ADGRA3: variants seen among roughly 807,000 people sequenced by gnomAD.
ADGRA3 encodes the protein G-protein coupled receptor 125.
ADGRA3 carries 56 observed loss-of-function variants against 119.8 expected under a neutral mutation model. The ratio of observed to expected loss-of-function variants is 0.47; its 90% CI spans 0.38 to 0.58. The LOEUF is 0.58. Ranked by LOEUF, ADGRA3 falls within the 20% of genes least tolerant of loss-of-function variation. The pLI, the probability that ADGRA3 is intolerant of heterozygous loss-of-function variation, is 0.00. For synonymous variants in ADGRA3, 607 were observed against 623.8 expected, an observed-to-expected ratio of 0.97 and a Z score of 0.40; for missense variants, 1,516 against 1,649.0, an observed-to-expected ratio of 0.92 and a Z score of 1.40.
At chr4:22,473,514 GCATTCA>G (rs1234186024) in intron 2 of ADGRA3, among the ~76,000 whole-genome samples, 2 of 152,202 alleles carry the variant, frequency 1.3e-5, no homozygotes, top group Non-Finnish European at 2.9e-5. Flanking sequence ...ATCTAAGGCT[GCATTCA>G]CACTTCAACG....
intron 1 of ADGRA3, among the ~76,000 whole-genome samples, chr4:22,487,963 T>C (rs1718491921): frequency 6.6e-6 from 1 of 151,630 alleles, no homozygotes. Flanking sequence ...GGGTGCCGGA[T>C]GTTGGGGTGC....
At chr4:22,491,515 T>G (rs1718622710) in intron 1 of ADGRA3, among the ~76,000 whole-genome samples, 3 of 152,140 alleles carry the variant, frequency 2.0e-5, no homozygotes. Context: ...CCCTTCAGAG[T>G]TGTAGCAAGA....
intron 1 of ADGRA3, among the ~76,000 whole-genome samples, chr4:22,511,434 A>T (rs1290625402): frequency 6.6e-6 from 1 of 152,188 alleles, no homozygotes; most frequent in Non-Finnish European, 1.5e-5. Context: ...ACCTTTCTTT[A>T]AGCATAGCTA....
At chr4:22,501,218 T>C (rs1317272001) in intron 1 of ADGRA3, among the ~76,000 whole-genome samples, 1 of 152,190 alleles carries the variant, frequency 6.6e-6, no homozygotes, top group Non-Finnish European at 1.5e-5. Context: ...AAAATCTTAA[T>C]ATACCTTTAT....
chr4:22,453,457 C>T (rs1577358183), intron 4 of ADGRA3, among the ~76,000 whole-genome samples: 2 of 152,196 alleles, frequency 1.3e-5, no homozygotes, highest in African/African-American at 4.8e-5. Flanking sequence ...GCAGCACGAA[C>T]ATTCTGTTCT....
At chr4:22,464,421 T>C (rs755211469) in intron 2 of ADGRA3, among the ~76,000 whole-genome samples, 12 of 152,182 alleles carry the variant, frequency 7.9e-5, no homozygotes, top group Non-Finnish European at 1.8e-4. Flanking sequence ...AACTCACAAA[T>C]CCCATCCTTC....
At chr4:22,420,378 T>C (rs1055987043) in intron 12 of ADGRA3, 2 of 153,994 alleles carry the variant, frequency 1.3e-5, no homozygotes, top group Non-Finnish European at 2.9e-5. Flanking sequence ...AATACTTTTT[T>C]TAAAAAAAGA....
At chr4:22,456,185 T>G (rs1455749711) in intron 3 of ADGRA3, among the ~76,000 whole-genome samples, 2 of 152,014 alleles carry the variant, frequency 1.3e-5, no homozygotes, top group African/African-American at 2.4e-5. Context: ...AACTCGTTTG[T>G]TTTTTTTCCT....
chr4:22,463,829 G>C (rs962549252), intron 2 of ADGRA3, among the ~76,000 whole-genome samples: 2 of 152,160 alleles, frequency 1.3e-5, no homozygotes, highest in Non-Finnish European at 2.9e-5. Context: ...CGTAAGCCCA[G>C]CATTTTTGAT....
chr4:22,414,952 G>A (rs1327830799), intron 12 of ADGRA3, among the ~76,000 whole-genome samples: 1 of 152,136 alleles, frequency 6.6e-6, no homozygotes, highest in African/African-American at 2.4e-5. Flanking sequence ...TTTATACAGA[G>A]TCCTTGAAAC....
intron 1 of ADGRA3, among the ~76,000 whole-genome samples, chr4:22,506,106 C>CA (rs1324770148): frequency 6.6e-6 from 1 of 151,804 alleles, no homozygotes; most frequent in Admixed American, 6.5e-5. Flanking sequence ...CCCCTGCAGA[C>CA]AAAAAAGAAC....
intron 2 of ADGRA3, among the ~76,000 whole-genome samples, chr4:22,468,527 G>C (rs955018273): frequency 2.6e-5 from 4 of 152,134 alleles, no homozygotes; most frequent in Non-Finnish European, 5.9e-5. Context: ...CCAGCACTTT[G>C]GGAGGCTGAG....
Position 22,438,830 on chromosome 4 carries a change from T to C in ADGRA3, c.921-410A>G, listed in dbSNP as rs989281001. On this transcript the variant is annotated intron_variant, in intron 7 of 18. Transcript: ENST00000334304. The stretch of plus-strand genomic sequence containing the variant: ...CAGCCTGGCGAAACCCTGTCTACAC[T>C]AAAAATATTTTTAAAAGTTAGCCGG... 3.3e-5 allele frequency among the ~76,000 whole-genome samples: 5 copies of C among 152,058 alleles called. 1 individual carries two copies. The highest frequency in any genetic ancestry group is 2.6e-4 in the Admixed American group (4 of 15,252).
At chr4:22,468,332 G>A (rs1341405410) in intron 2 of ADGRA3, among the ~76,000 whole-genome samples, 1 of 152,148 alleles carries the variant, frequency 6.6e-6, no homozygotes, top group Non-Finnish European at 1.5e-5. Flanking sequence ...CCTAGGGGTA[G>A]GATTAACATT....
chr4:22,492,143 G>A (rs1718643404), intron 1 of ADGRA3, among the ~76,000 whole-genome samples: 1 of 152,120 alleles, frequency 6.6e-6, no homozygotes, highest in South Asian at 2.1e-4. Flanking sequence ...ATTGCATTTG[G>A]TGTCTCAGGA....
chr4:22,430,040 C>T (rs965544944), intron 10 of ADGRA3, among the ~76,000 whole-genome samples: 1 of 152,100 alleles, frequency 6.6e-6, no homozygotes, highest in African/African-American at 2.4e-5. Context: ...GAGAAGCTTC[C>T]CTGCACAAGT....
intron 3 of ADGRA3, among the ~76,000 whole-genome samples, chr4:22,456,650 GC>G (rs1340552182): frequency 6.6e-6 from 1 of 152,122 alleles, no homozygotes; most frequent in African/African-American, 2.4e-5. Flanking sequence ...GGATTCATAG[GC>G]CCTCCAGCTT....
rs567550630 is a variant in ADGRA3 at position 22,459,472 on chromosome 4, TA to T, written c.401+2264del. Among the ~76,000 whole-genome samples, 620 of 145,396 alleles carry T rather than the reference TA, an allele frequency of 4.3e-3. 5 individuals carry two copies. The highest frequency in any genetic ancestry group is 0.013 in the African/African-American group (504 of 39,698). ...CACTTGTACCCCTGAACTAAAAAGT[TA>T]AAAAAAAAAATAAAGAAATAGGTTT... On this transcript the variant is annotated intron_variant, in intron 3 of 18. Coordinates refer to ENST00000334304, the MANE Select transcript of ADGRA3 (RefSeq NM_145290.4).
rs1378037940 is a variant in ADGRA3, at chr4:22,515,752, C to T, written c.33G>A (p.Ala11=). The change falls in exon 1 of 19, where the codon GCG becomes GCA. Residue 11 remains alanine, a synonymous_variant. Coordinates refer to ENST00000334304, the MANE Select transcript of ADGRA3 (RefSeq NM_145290.4). The part of the protein sequence containing the change: MEPPGRRRGR[A]QPPLLLPLSL... ...AGAGCGGCAGCAACAGCGGCGGCTG[C>T]GCGCGGCCCCGCCGGCGTCCGGGTG... The T allele has an allele frequency of 2.0e-6, 2 of 1,025,154 alleles. No individual in the cohort carries two copies. Among genetic ancestry groups the T allele is most frequent in the Non-Finnish European group, 1.2e-6 (1 of 860,538 alleles). The allele number at this position is 1,025,154 out of a possible 1,614,324, so 63.5% of individuals were successfully genotyped here.
Sources: allele counts gnomAD v4.1 joint callset (sites outside exome capture counted in the v4.1 genomes callset), GRCh38; gene constraint gnomAD v4.1.1; transcripts MANE v1.5; gene names NCBI Gene and HGNC (gene_info 2026-07-23, HGNC 2026-07-21).